CDC42: variants seen among roughly 807,000 people sequenced by gnomAD.
The protein encoded by CDC42 is cell division control protein 42 homolog.
Under a neutral mutation model 20.8 loss-of-function variants are expected in CDC42, and 1 was observed. The ratio of observed to expected loss-of-function variants is 0.05; its 90% confidence interval spans 0.02 to 0.23. CDC42 has a LOEUF of 0.23. Among genes scored for constraint, CDC42 ranks in the 10% least tolerant of loss-of-function variants. CDC42 has a pLI of 1.00. For synonymous variants in CDC42, 72 were observed against 84.8 expected, an observed-to-expected ratio of 0.85 and a Z score of 0.83; for missense variants, 49 against 227.9, an observed-to-expected ratio of 0.21 and a Z score of 5.05.
At position 22,097,900 on chromosome 1, in the gene CDC42, TA is replaced by T. The variant is rs1268609580; in HGVS notation, c.*6386del. Among the ~76,000 whole-genome samples the T allele has an allele frequency of 6.6e-6, 1 of 152,218 alleles. No individual in the cohort carries two copies. The highest frequency in any genetic ancestry group is 1.5e-5 in the Non-Finnish European group (1 of 68,026). ...CATAGGTGATTTCCCCAAAAGCAAA[TA>T]AATGCTCGATGGATTTTGGGTCCAC... On this transcript the variant is annotated 3_prime_UTR_variant, in exon 6 of 6. Coordinates refer to ENST00000656825, the MANE Select transcript of CDC42 (RefSeq NM_001791.4).
At chr1:22,085,827 T>C (rs1023929982) in intron 3 of CDC42, among the ~76,000 whole-genome samples, 3 of 152,122 alleles carry the variant, frequency 2.0e-5, no homozygotes, top group African/African-American at 7.2e-5. Flanking sequence ...TTTCTTTCCT[T>C]AGATGATTTC....
rs372373522 is a variant in CDC42 at position 22,079,354 on chromosome 1, G to A, written c.105+771G>A. Among the ~76,000 whole-genome samples the A allele has an allele frequency of 4.9e-4, 75 of 152,046 alleles. 1 individual carries two copies. Among genetic ancestry groups the A allele is most frequent in the African/African-American group, 1.8e-3 (73 of 41,466 alleles). On this transcript the variant is annotated intron_variant, in intron 2 of 5. Transcript: ENST00000656825. ...GGGTTTTACCATGTTGGCCAGGCTG[G>A]TCTTGAACTCCTGACCTCAAATGAT...
At chr1:22,087,437 T>C (rs1033362852) in intron 5 of CDC42, among the ~76,000 whole-genome samples, 3 of 152,126 alleles carry the variant, frequency 2.0e-5, no homozygotes, top group Non-Finnish European at 4.4e-5. Context: ...CGTTTTTGAG[T>C]GATTTAATTG....
At chr1:22,078,230 C>G (rs967229817) in intron 1 of CDC42, among the ~76,000 whole-genome samples, 199 bp from the exon 2 acceptor site, 7 of 152,114 alleles carry the variant, frequency 4.6e-5, no homozygotes, top group Non-Finnish European at 8.8e-5. Flanking sequence ...GTTGGAATAG[C>G]CAGGGATCAG....
intron 1 of CDC42, among the ~76,000 whole-genome samples, chr1:22,066,592 A>G (rs1190092408): frequency 6.6e-6 from 1 of 152,224 alleles, no homozygotes; most frequent in East Asian, 1.9e-4. Flanking sequence ...ATTATAGATT[A>G]TGACCTTACA....
At chr1:22,090,218 G>A in intron 5 of CDC42, 10 of 1,269,752 alleles carry the variant, frequency 7.9e-6, no homozygotes, top group Non-Finnish European at 1.0e-5. Flanking sequence ...TTTGTGATCA[G>A]TAGTCAAGTT....
At chr1:22,054,246 A>G (rs1344074976) in intron 1 of CDC42, among the ~76,000 whole-genome samples, 1 of 151,968 alleles carries the variant, frequency 6.6e-6, no homozygotes, top group African/African-American at 2.4e-5. Flanking sequence ...AATATAATGG[A>G]TATTGCACTC....
chr1:22,076,936 T>G (rs1435170862), intron 1 of CDC42, among the ~76,000 whole-genome samples: 1 of 151,756 alleles, frequency 6.6e-6, no homozygotes, highest in Non-Finnish European at 1.5e-5. Flanking sequence ...ATTGCTTGAG[T>G]CCAGGAATTC....
At chr1:22,086,894 A>G (rs1404959954) in intron 5 of CDC42, 28 bp downstream of exon 5, 2 of 1,579,146 alleles carry the variant, frequency 1.3e-6, no homozygotes, top group East Asian at 4.5e-5. Context: ...CCCCATGTGT[A>G]TTTATGGTCG....
chr1:22,062,730 T>TAAA (rs531472151), intron 1 of CDC42, among the ~76,000 whole-genome samples: 1 of 69,420 alleles, frequency 1.4e-5, no homozygotes, highest in Non-Finnish European at 2.5e-5. Context: ...TGGCTCTATT[T>TAAA]AAAAAAAAAA....
At chr1:22,077,581 C>A (rs575356113) in intron 1 of CDC42, among the ~76,000 whole-genome samples, 1 of 152,092 alleles carries the variant, frequency 6.6e-6, no homozygotes, top group Admixed American at 6.5e-5. Context: ...TAAAGTATTT[C>A]ATTGAATCTA....
chr1:22,070,181 A>G (rs1170830089), intron 1 of CDC42, among the ~76,000 whole-genome samples: 2 of 152,190 alleles, frequency 1.3e-5, no homozygotes, highest in African/African-American at 4.8e-5. Context: ...CCCACATCTA[A>G]TCAGAAATAA....
At position 22,099,417 on chromosome 1, in the gene CDC42, G is replaced by T. The variant is rs1645776150; in HGVS notation, c.*7900G>T. On this transcript the variant is annotated 3_prime_UTR_variant, in exon 6 of 6. Coordinates refer to ENST00000656825, the MANE Select transcript of CDC42 (RefSeq NM_001791.4). ...CAGGTATCTTCTTTTTATGGAGCAG[G>T]ACTCTGAGACATCATAATTGCTTGG... 6.6e-6 allele frequency among the ~76,000 whole-genome samples: 1 copy of T among 152,192 alleles called. No homozygotes were observed. Among genetic ancestry groups the T allele is most frequent in the Admixed American group, 6.5e-5 (1 of 15,280 alleles).
intron 5 of CDC42, 94 bp from the exon 6 acceptor site, chr1:22,091,334 C>A: frequency 1.4e-6 from 1 of 737,292 alleles, no homozygotes; most frequent in Non-Finnish European, 2.3e-6. Context: ...TCTTTCTTTG[C>A]CAACTCTTGG....
intron 1 of CDC42, among the ~76,000 whole-genome samples, chr1:22,059,021 T>G (rs1645334522): frequency 6.6e-6 from 1 of 151,036 alleles, no homozygotes; most frequent in Admixed American, 6.6e-5. Flanking sequence ...GAATGGGGCC[T>G]TTTTATGTTG....
At chr1:22,073,935 G>A (rs894678705) in intron 1 of CDC42, among the ~76,000 whole-genome samples, 1 of 152,126 alleles carries the variant, frequency 6.6e-6, no homozygotes, top group African/African-American at 2.4e-5. Flanking sequence ...ACAGGTGTGA[G>A]CCACCATGCC....
chr1:22,077,583 T>C (rs1645565167), intron 1 of CDC42, among the ~76,000 whole-genome samples: 1 of 152,218 alleles, frequency 6.6e-6, no homozygotes. Context: ...AAGTATTTCA[T>C]TGAATCTAAG....
intron 1 of CDC42, among the ~76,000 whole-genome samples, chr1:22,056,160 A>AAT (rs1193056782): frequency 6.6e-6 from 1 of 152,218 alleles, no homozygotes; most frequent in Non-Finnish European, 1.5e-5. Context: ...GGTTTTAAGA[A>AAT]ATATTTTTTA....
intron 1 of CDC42, among the ~76,000 whole-genome samples, chr1:22,059,011 GA>G (rs34310254): frequency 0.95 from 143,492 of 151,688 alleles, 67,962 homozygotes; most frequent in East Asian, 1. Context: ...TTTTTGTAGA[GA>G]ATGGGGCCTT....
Sources: gnomAD v4.1 joint callset for allele counts (sites outside exome capture counted in the v4.1 genomes callset) on GRCh38, gnomAD v4.1.1 for gene constraint, MANE v1.5 for transcripts, NCBI Gene and HGNC (gene_info 2026-07-23, HGNC 2026-07-21) for gene names.